Variants in CHLSN observed in about 807,000 individuals in gnomAD.
CHLSN encodes protein cholesin.
At chr7:1,091,531 C>A in the CHLSN span, 1 of 570,048 alleles carries the variant, frequency 1.8e-6, no homozygotes, top group South Asian at 2.6e-5. Flanking sequence ...GTGTGAGGAG[C>A]ATCTGTTCTT....
At chr7:1,020,954 T>G in the CHLSN span, among the ~76,000 whole-genome samples, 1 of 152,006 alleles carries the variant, frequency 6.6e-6, no homozygotes, top group Non-Finnish European at 1.5e-5. Context: ...AGATGGGACC[T>G]CCCAGCAGGG....
the CHLSN span, among the ~76,000 whole-genome samples, chr7:1,108,320 C>A: frequency 2.1e-5 from 3 of 144,344 alleles, no homozygotes; most frequent in Admixed American, 2.1e-4. Context: ...CACTGGAGTC[C>A]CGCGCCCCGG....
the CHLSN span, among the ~76,000 whole-genome samples, chr7:1,048,145 C>T: frequency 8.6e-5 from 13 of 152,024 alleles, no homozygotes; most frequent in Non-Finnish European, 1.3e-4. Context: ...GCTGAGAGAA[C>T]GAGGGGAAGC....
chr7:1,069,059 G>A, the CHLSN span, among the ~76,000 whole-genome samples: 10 of 152,196 alleles, frequency 6.6e-5, no homozygotes, highest in African/African-American at 1.2e-4. Context: ...TAGGCCGGGC[G>A]CGGTGGCTCA....
chr7:1,055,735 A>AG, the CHLSN span, among the ~76,000 whole-genome samples: 1 of 152,086 alleles, frequency 6.6e-6, no homozygotes, highest in Admixed American at 6.5e-5. Context: ...CCCTCCTGTC[A>AG]GTGACTGGAG....
At chr7:1,127,313 C>CT in the CHLSN span, 3 of 1,611,810 alleles carry the variant, frequency 1.9e-6, no homozygotes, top group Non-Finnish European at 2.5e-6. Flanking sequence ...AGTGGCCCCT[C>CT]TGCTGACGCC....
the CHLSN span, among the ~76,000 whole-genome samples, chr7:1,123,361 C>T: frequency 2.0e-5 from 3 of 152,234 alleles, no homozygotes; most frequent in Non-Finnish European, 4.4e-5. The surrounding 1 kb of genome is among the most constrained non-coding windows in gnomAD (Gnocchi z 4.4). Context: ...GCCGCTGACC[C>T]GCAGGCTCCC....
the CHLSN span, among the ~76,000 whole-genome samples, chr7:1,049,892 C>T: frequency 6.6e-6 from 1 of 152,178 alleles, no homozygotes; most frequent in Non-Finnish European, 1.5e-5. Flanking sequence ...TGAAGCTGTG[C>T]ACCTGGGCCC....
At chr7:1,095,929 G>A in the CHLSN span, among the ~76,000 whole-genome samples, 6 of 152,242 alleles carry the variant, frequency 3.9e-5, no homozygotes, top group Non-Finnish European at 7.3e-5. Flanking sequence ...CCTGCTGTGC[G>A]GGAAGTGCAG....
chr7:1,022,683 A>G, the CHLSN span, among the ~76,000 whole-genome samples: 1 of 152,168 alleles, frequency 6.6e-6, no homozygotes, highest in Non-Finnish European at 1.5e-5. Flanking sequence ...AGAAACACAC[A>G]GGGGATTAAT....
the CHLSN span, among the ~76,000 whole-genome samples, chr7:1,019,124 G>A: frequency 6.7e-6 from 1 of 149,120 alleles, no homozygotes; most frequent in African/African-American, 2.5e-5. Flanking sequence ...CCCGCGGGGG[G>A]CAGAGGTTGC....
chr7:1,000,346 C>G, the CHLSN span: 1 of 852,546 alleles, frequency 1.2e-6, no homozygotes, highest in Non-Finnish European at 1.8e-6. Flanking sequence ...GTGCACACAC[C>G]TCAGCCCCCG....
the CHLSN span, among the ~76,000 whole-genome samples, chr7:1,111,267 G>T: frequency 3.3e-3 from 508 of 152,350 alleles, 2 homozygotes; most frequent in Admixed American, 0.011. Context: ...GCAATCACCA[G>T]CTATCACTGC....
chr7:1,057,602 G>C, the CHLSN span: 4 of 770,288 alleles, frequency 5.2e-6, no homozygotes, highest in Admixed American at 3.4e-5. Flanking sequence ...TGTCACTGTT[G>C]TCGCTGCTGG....
chr7:1,124,439 T>C, the CHLSN span, among the ~76,000 whole-genome samples: 15 of 151,454 alleles, frequency 9.9e-5, 1 homozygote, highest in Admixed American at 8.6e-4. Context: ...GAATTGAGAC[T>C]GGGCTGAACC....
At chr7:1,061,371 A>G in the CHLSN span, among the ~76,000 whole-genome samples, 3 of 151,932 alleles carry the variant, frequency 2.0e-5, no homozygotes, top group Non-Finnish European at 4.4e-5. Context: ...CTGCTACCTG[A>G]GACACTTCAC....
At chr7:1,137,031 C>T in the CHLSN span, among the ~76,000 whole-genome samples, 1 of 152,138 alleles carries the variant, frequency 6.6e-6, no homozygotes, top group African/African-American at 2.4e-5. Flanking sequence ...GTGTCACCTC[C>T]ACTCAAAAAA....
chr7:1,072,899 G>C, the CHLSN span, among the ~76,000 whole-genome samples: 1 of 152,078 alleles, frequency 6.6e-6, no homozygotes, highest in African/African-American at 2.4e-5. Flanking sequence ...GGCCAGGCTG[G>C]TCTTGAACTC....
At chr7:1,031,428 C>T in the CHLSN span, among the ~76,000 whole-genome samples, 1 of 81,446 alleles carries the variant, frequency 1.2e-5, no homozygotes, top group Non-Finnish European at 2.3e-5. Context: ...CAGAGTGGTC[C>T]GGGGGGGCAG....
Sources: allele counts gnomAD v4.1 joint callset (sites outside exome capture counted in the v4.1 genomes callset), GRCh38; gene constraint gnomAD v4.1.1; non-coding constraint Gnocchi (gnomAD v3.1); transcripts MANE v1.5; gene names NCBI Gene and HGNC (gene_info 2026-07-23, HGNC 2026-07-21).